AFG1L: variants seen among roughly 807,000 people sequenced by gnomAD.
AFG1L encodes AFG1 like ATPase.
Under a neutral mutation model 62.2 loss-of-function variants are expected in AFG1L, and 53 were observed. The ratio of observed to expected loss-of-function variants is 0.85; its 90% confidence interval spans 0.68 to 1.07. The LOEUF (loss-of-function observed/expected upper bound fraction) is 1.07, where lower values mean the gene tolerates loss of function less well. Among genes scored for constraint, AFG1L ranks in the 50% least tolerant of loss-of-function variants. The probability of loss-of-function intolerance (pLI) is 0.00; values close to 1 mark genes in which losing one functional copy is unlikely to be tolerated. For synonymous variants in AFG1L, 228 were observed against 210.3 expected, an observed-to-expected ratio of 1.08 and a Z score of -0.73; for missense variants, 555 against 590.5, an observed-to-expected ratio of 0.94 and a Z score of 0.62.
intron 3 of AFG1L, 87 bp downstream of exon 3, chr6:108,347,126 A>G (rs192138372): frequency 1.9e-4 from 208 of 1,122,308 alleles, no homozygotes; most frequent in Non-Finnish European, 2.5e-4. Context: ...CTATCCCTCA[A>G]TCTGTTACCA....
intron 8 of AFG1L, among the ~76,000 whole-genome samples, chr6:108,471,306 G>A (rs1772883684): frequency 6.6e-6 from 1 of 151,946 alleles, no homozygotes. Context: ...AATACCACTG[G>A]CCCCAGGACT....
chr6:108,481,273 A>G (rs1207006025), intron 10 of AFG1L, among the ~76,000 whole-genome samples: 1 of 152,334 alleles, frequency 6.6e-6, no homozygotes, highest in East Asian at 1.9e-4. Context: ...CTCTGTGGAC[A>G]TGACATGAGC....
chr6:108,487,316 G>C (rs1773609495), intron 10 of AFG1L, among the ~76,000 whole-genome samples: 1 of 152,142 alleles, frequency 6.6e-6, no homozygotes, highest in African/African-American at 2.4e-5. Flanking sequence ...CCTGTGCTAT[G>C]ATCATGTCTG....
At chr6:108,483,341 C>T (rs1248139709) in intron 10 of AFG1L, among the ~76,000 whole-genome samples, 5 of 152,066 alleles carry the variant, frequency 3.3e-5, no homozygotes, top group Non-Finnish European at 7.4e-5. Flanking sequence ...ATTTCTATTA[C>T]AGTAAACACT....
At chr6:108,387,105 A>G (rs905589109) in intron 6 of AFG1L, among the ~76,000 whole-genome samples, 3 of 152,274 alleles carry the variant, frequency 2.0e-5, no homozygotes, top group Non-Finnish European at 1.5e-5. Context: ...ATAAAGACAC[A>G]GATAGATCAA....
chr6:108,388,212 T>C (rs1162838035), intron 6 of AFG1L: 1 of 152,184 alleles, frequency 6.6e-6, no homozygotes, highest in Non-Finnish European at 1.5e-5. Context: ...CCCAGAAATG[T>C]CTAAGTTTTG....
intron 6 of AFG1L, among the ~76,000 whole-genome samples, chr6:108,372,572 C>T (rs1433438197): frequency 1.3e-5 from 2 of 152,130 alleles, no homozygotes; most frequent in East Asian, 1.9e-4. Flanking sequence ...TTGTGATCCG[C>T]CCACCTCGGC....
At chr6:108,400,666 TTTATATA>T (rs1318800561) in intron 6 of AFG1L, among the ~76,000 whole-genome samples, 2 of 116,998 alleles carry the variant, frequency 1.7e-5, no homozygotes, top group African/African-American at 3.2e-5. Context: ...ATATATATAA[TTTATATA>T]TTATATATTA....
At chr6:108,335,819 C>G (rs1215521807) in intron 2 of AFG1L, among the ~76,000 whole-genome samples, 1 of 152,226 alleles carries the variant, frequency 6.6e-6, no homozygotes, top group Non-Finnish European at 1.5e-5. Flanking sequence ...CACACAGGAA[C>G]TTATAAATGT....
At position 108,394,444 on chromosome 6, in the gene AFG1L, C is replaced by T. The variant is rs187358656; in HGVS notation, c.749-7552C>T. Among the ~76,000 whole-genome samples, 130 of 135,594 alleles carry T rather than the reference C, an allele frequency of 9.6e-4. 1 individual carries two copies. Among genetic ancestry groups the T allele is most frequent in the African/African-American group, 3.2e-3 (127 of 39,234 alleles). 89.0% of individuals were successfully genotyped at this position (135,594 alleles called of 152,430 possible). On this transcript the variant is annotated intron_variant, in intron 6 of 12. Transcript: ENST00000368977. ...AATTACAGGCATGAGCCACCATGCC[C>T]GGCCTTGCCGTTTTTTTTATCTGTC...
At chr6:108,427,326 T>C (rs1361921934) in intron 7 of AFG1L, among the ~76,000 whole-genome samples, 2 of 152,102 alleles carry the variant, frequency 1.3e-5, no homozygotes, top group Non-Finnish European at 2.9e-5. Context: ...TGGCGTTATA[T>C]AATTCTCTTA....
chr6:108,334,074 C>T (rs1778381623), intron 2 of AFG1L, among the ~76,000 whole-genome samples: 2 of 152,098 alleles, frequency 1.3e-5, no homozygotes, highest in African/African-American at 4.8e-5. Flanking sequence ...GTGGTGCGAT[C>T]TCGGCTCACT....
intron 6 of AFG1L, among the ~76,000 whole-genome samples, chr6:108,381,548 G>T (rs1400055120): frequency 6.6e-6 from 1 of 151,602 alleles, no homozygotes; most frequent in African/African-American, 2.4e-5. Flanking sequence ...ACTGACTCTA[G>T]CCTGGACAAC....
At chr6:108,483,642 G>T (rs1773412281) in intron 10 of AFG1L, among the ~76,000 whole-genome samples, 1 of 152,198 alleles carries the variant, frequency 6.6e-6, no homozygotes, top group Non-Finnish European at 1.5e-5. Context: ...GTTTGCAAGA[G>T]CAGTTTGTTA....
At chr6:108,426,940 A>G (rs550531716) in intron 7 of AFG1L, among the ~76,000 whole-genome samples, 2 of 152,212 alleles carry the variant, frequency 1.3e-5, no homozygotes, top group Admixed American at 1.3e-4. Context: ...ATTTATGTGC[A>G]TACATATCTA....
At chr6:108,428,106 A>T (rs569091249) in intron 7 of AFG1L, among the ~76,000 whole-genome samples, 1 of 150,950 alleles carries the variant, frequency 6.6e-6, no homozygotes, top group African/African-American at 2.4e-5. Context: ...CTCTATAACC[A>T]CTCCATCTTC....
intron 6 of AFG1L, among the ~76,000 whole-genome samples, chr6:108,393,625 T>C (rs1043303413): frequency 6.6e-6 from 1 of 152,178 alleles, no homozygotes; most frequent in Non-Finnish European, 1.5e-5. Flanking sequence ...CTCATTGTCA[T>C]TAATGAACTA....
At chr6:108,325,965 T>C (rs1217400411) in intron 2 of AFG1L, among the ~76,000 whole-genome samples, 1 of 152,020 alleles carries the variant, frequency 6.6e-6, no homozygotes, top group African/African-American at 2.4e-5. Context: ...TTAGTAGAGA[T>C]GGGGTTTTGC....
intron 7 of AFG1L, among the ~76,000 whole-genome samples, chr6:108,416,319 G>T (rs529530152): frequency 1.3e-3 from 205 of 152,334 alleles, no homozygotes; most frequent in African/African-American, 4.7e-3. Context: ...CTTTTACACT[G>T]TTGGTGGGAC....
Sources: gnomAD v4.1 joint callset for allele counts (sites outside exome capture counted in the v4.1 genomes callset) on GRCh38, gnomAD v4.1.1 for gene constraint, MANE v1.5 for transcripts, NCBI Gene and HGNC (gene_info 2026-07-23, HGNC 2026-07-21) for gene names.